Variants in NOTCH4 observed in about 807,000 individuals in gnomAD.
NOTCH4 encodes the protein notch receptor 4.
A neutral mutation model predicts 189.0 loss-of-function variants in NOTCH4; 138 were observed. That is an observed-to-expected ratio of 0.73 (90% CI 0.64 to 0.84). The LOEUF (loss-of-function observed/expected upper bound fraction) is 0.84, where lower values mean the gene tolerates loss of function less well. Ranked by LOEUF, NOTCH4 falls within the 40% of genes least tolerant of loss-of-function variation. The pLI is 0.00. For synonymous variants in NOTCH4, 942 were observed against 1,032.8 expected (o/e 0.91, Z 1.69); for missense variants, 2,286 against 2,605.4 (o/e 0.88, Z 2.67).
rs1471966986 is a variant in NOTCH4, at chr6:32,195,158, A to C, written c.*279T>G. On this transcript the variant is annotated 3_prime_UTR_variant, in exon 30 of 30. Coordinates refer to ENST00000375023, the MANE Select transcript of NOTCH4 (RefSeq NM_004557.4). The surrounding 1 kb of genome is among the most constrained non-coding windows in gnomAD (Gnocchi z 5.4). ...CATATGCCTGCAATTCTTGGTTCCA[A>C]CTTAGGGGTATTTCCACTCCACTCT... 2 of 464,416 alleles carry C rather than the reference A, an allele frequency of 4.3e-6. No individual in the cohort carries two copies. Among genetic ancestry groups the C allele is most frequent in the Non-Finnish European group, 7.6e-6 (2 of 263,800 alleles). The allele number at this position is 464,416 out of a possible 1,614,324, so 28.8% of individuals were successfully genotyped here.
At chr6:32,216,633 C>T (rs78718262) in intron 11 of NOTCH4, 3 of 492,680 alleles carry the variant, frequency 6.1e-6, no homozygotes, top group Non-Finnish European at 1.1e-5. Flanking sequence ...GATTTGCCTC[C>T]GTATCTGGCA....
intron 18 of NOTCH4, among the ~76,000 whole-genome samples, chr6:32,208,495 G>A (rs1221504948): frequency 2.0e-5 from 3 of 152,212 alleles, no homozygotes; most frequent in African/African-American, 4.8e-5. Context: ...CACTTTCAGA[G>A]GTTGAGGCGG....
Position 32,201,279 on chromosome 6 carries a change from C to A in NOTCH4, c.3977G>T (p.Gly1326Val), listed in dbSNP as rs1364940031. Residue 1326 changes from glycine to valine, a missense_variant, in exon 22 of 30, where the codon GGA becomes GTA. Around this residue, in one of 2 missense-constraint regions of NOTCH4, gnomAD observed 1,903 missense variants for 2,261.9 expected, o/e 0.84. Transcript: ENST00000375023. The surrounding 1 kb of genome is among the most constrained non-coding windows in gnomAD (Gnocchi z 5.5). ...ARVLSLTLRV[G>V]LWVRKDRDGR... ...ATCACGATCCTTCCTTACCCAGAGTCCTACCCTCAGAGTCAGGGACAGCAC... is the reference window on the plus strand; with the variant it reads ...ATCACGATCCTTCCTTACCCAGAGTACTACCCTCAGAGTCAGGGACAGCAC... 1 of 1,613,018 alleles carries A rather than the reference C, an allele frequency of 6.2e-7. No homozygotes were observed. The highest frequency in any genetic ancestry group is 8.5e-7 in the Non-Finnish European group (1 of 1,180,018).
intron 18 of NOTCH4, among the ~76,000 whole-genome samples, chr6:32,206,228 G>C (rs28893520): frequency 0.053 from 8,056 of 152,108 alleles, 313 homozygotes; most frequent in Middle Eastern, 0.16. Flanking sequence ...AATTAGGCAG[G>C]AGAAAGAAAT....
chr6:32,203,769 C>A lies in NOTCH4; in HGVS notation c.3231+1G>T. Reference sequence around the variant, plus strand: ...GAGAAGGCAGATTTGTGGTCACTTGCCTTGGGGCAGTGGCAGATGAAACCC... The same window carrying A: ...GAGAAGGCAGATTTGTGGTCACTTGACTTGGGGCAGTGGCAGATGAAACCC... On this transcript the variant is annotated splice_donor_variant, in intron 20 of 29. Coordinates refer to ENST00000375023, the MANE Select transcript of NOTCH4 (RefSeq NM_004557.4). LOFTEE classifies it high-confidence loss of function. 1 of 1,551,974 alleles carries A rather than the reference C, an allele frequency of 6.4e-7. No individual in the cohort carries two copies. The highest frequency in any genetic ancestry group is 8.7e-7 in the Non-Finnish European group (1 of 1,147,472).
chr6:32,195,353 G>A lies in NOTCH4; in HGVS notation c.*84C>T. 1 of 1,299,528 alleles carries A rather than the reference G, an allele frequency of 7.7e-7. No homozygotes were observed. The highest frequency in any genetic ancestry group is 1.1e-6 in the Non-Finnish European group (1 of 949,376). The allele number at this position is 1,299,528 out of a possible 1,614,324, so 80.5% of individuals were successfully genotyped here. On this transcript the variant is annotated 3_prime_UTR_variant, in exon 30 of 30. Transcript: ENST00000375023. This position sits in a 1 kb window ranked among gnomAD's most constrained non-coding sequence, Gnocchi z 5.4. ...AAACTCACAACCCTTCATTTTGGGGGATCCATCTTAAAACCAGGAAGGCCT... is the reference window on the plus strand; with the variant it reads ...AAACTCACAACCCTTCATTTTGGGGAATCCATCTTAAAACCAGGAAGGCCT...
intron 19 of NOTCH4, 127 bp from the exon 20 acceptor site, chr6:32,204,009 C>A: frequency 5.9e-6 from 3 of 505,470 alleles, no homozygotes; most frequent in South Asian, 1.8e-5. Flanking sequence ...CTTTTCTGGG[C>A]GGGGGTGGGC....
chr6:32,208,003 CAAAAA>C (rs9279505), intron 18 of NOTCH4, among the ~76,000 whole-genome samples: 259 of 129,848 alleles, frequency 2.0e-3, no homozygotes, highest in Middle Eastern at 7.7e-3. Context: ...GACTCCTTCT[CAAAAA>C]AAAAAAAAAA....
intron 20 of NOTCH4, chr6:32,203,510 A>C: frequency 2.0e-6 from 1 of 504,174 alleles, no homozygotes; most frequent in Non-Finnish European, 3.5e-6. Context: ...GCCACCCACC[A>C]CGCAGCTTGA....
At chr6:32,205,902 TGGC>T (rs1788647974) in intron 18 of NOTCH4, among the ~76,000 whole-genome samples, 1 of 151,980 alleles carries the variant, frequency 6.6e-6, no homozygotes, top group Non-Finnish European at 1.5e-5. Flanking sequence ...CTAGGTGTGG[TGGC>T]AGGCACCTGT....
Position 32,196,157 on chromosome 6 carries a change from A to G in NOTCH4, c.5299-7T>C, listed in dbSNP as rs920716870. The G allele has an allele frequency of 4.4e-6, 7 of 1,589,310 alleles. No homozygotes were observed. Among genetic ancestry groups the G allele is most frequent in the East Asian group, 2.2e-5 (1 of 44,652 alleles). On this transcript the variant is annotated splice_polypyrimidine_tract_variant and splice_region_variant and intron_variant, in intron 29 of 29. Transcript: ENST00000375023. ...GGAATAGCGGCGTCTGCTCCTGTAC[A>G]GAAGAGCCAGGGCCGATATCAGGGA...
At position 32,201,979 on chromosome 6, in the gene NOTCH4, A is replaced by G; in HGVS notation, c.3755+97T>C. ...TAGGGTGGAAACTCCCTGGAGCCCAAGGCTGTGGCCACACTGTAACTCAGA... is the reference window on the plus strand; with the variant it reads ...TAGGGTGGAAACTCCCTGGAGCCCAGGGCTGTGGCCACACTGTAACTCAGA... On this transcript the variant is annotated intron_variant, in intron 21 of 29. Coordinates refer to ENST00000375023, the MANE Select transcript of NOTCH4 (RefSeq NM_004557.4). This position sits in a 1 kb window ranked among gnomAD's most constrained non-coding sequence, Gnocchi z 5.5. 8.2e-7 allele frequency: 1 copy of G among 1,212,236 alleles called. No individual in the cohort carries two copies. Among genetic ancestry groups the G allele is most frequent in the African/African-American group, 1.5e-5 (1 of 65,924 alleles). The allele number at this position is 1,212,236 out of a possible 1,614,324, so 75.1% of individuals were successfully genotyped here. A position where few individuals can be genotyped will look rare whatever the true frequency, so the allele number is the denominator to read the frequency against.
Position 32,197,359 on chromosome 6 carries a change from G to A in NOTCH4, c.4992C>T (p.Asp1664=), listed in dbSNP as rs752898443. The A allele has an allele frequency of 9.8e-6, 15 of 1,534,660 alleles. No individual in the cohort carries two copies. ...LEAGANPNQP[D]RAGRTPLHAA... ...CATGAAGGGGTGTGCGCCCTGCCCGGTCTGGCTGGTTGGGGTTGGCTCCAG... is the reference window on the plus strand; with the variant it reads ...CATGAAGGGGTGTGCGCCCTGCCCGATCTGGCTGGTTGGGGTTGGCTCCAG... Residue 1664 remains aspartate (D), a synonymous_variant, in exon 27 of 30, where the codon GAC becomes GAT. Transcript: ENST00000375023.
At chr6:32,209,846 G>A (rs1385127446) in intron 18 of NOTCH4, among the ~76,000 whole-genome samples, 1 of 151,512 alleles carries the variant, frequency 6.6e-6, no homozygotes, top group African/African-American at 2.4e-5. Context: ...TTATGCCACT[G>A]CCCTTCAGCC....
rs1554147090 is a variant in NOTCH4, at chr6:32,202,369, G to GC, written c.3461dup (p.Gly1156ArgfsTer24). 1.2e-6 allele frequency: 2 copies of GC among 1,612,708 alleles called. No individual in the cohort carries two copies. Among genetic ancestry groups the GC allele is most frequent in the Non-Finnish European group, 8.5e-7 (1 of 1,179,946 alleles). On this transcript the variant is annotated frameshift_variant, in exon 21 of 30. Coordinates refer to ENST00000375023, the MANE Select transcript of NOTCH4 (RefSeq NM_004557.4). LOFTEE classifies it high-confidence loss of function. This position sits in a 1 kb window ranked among gnomAD's most constrained non-coding sequence, Gnocchi z 5.7. Reference sequence around the variant, plus strand: ...GAGGGCAGGAGCATCGAAAGCCTGGGCCCCCCAAGCCCGTGGTCTCTGAGC... The same window carrying GC: ...GAGGGCAGGAGCATCGAAAGCCTGGGCCCCCCCAAGCCCGTGGTCTCTGAGC...
chr6:32,221,415 G>T lies in NOTCH4; in HGVS notation c.452-90C>A. On this transcript the variant is annotated intron_variant, in intron 3 of 29. Transcript: ENST00000375023. This position sits in a 1 kb window ranked among gnomAD's most constrained non-coding sequence, Gnocchi z 4.3. ...CCAGTGCTCACTCTGGATTATCTCT[G>T]GGTCTCATTTTCATATTTCCTTCCC... 1.1e-6 allele frequency: 1 copy of T among 915,944 alleles called. No homozygotes were observed. Among genetic ancestry groups the T allele is most frequent in the Non-Finnish European group, 1.7e-6 (1 of 600,546 alleles). The allele number at this position is 915,944 out of a possible 1,614,324, so 56.7% of individuals were successfully genotyped here.
rs1788446927 is a variant in NOTCH4, at chr6:32,202,939, C to T, written c.3232-340G>A. On this transcript the variant is annotated intron_variant, in intron 20 of 29. Transcript: ENST00000375023. The surrounding 1 kb of genome is among the most constrained non-coding windows in gnomAD (Gnocchi z 5.7). ...ATTATTTTTGAGACAGAGTTTCGCT[C>T]TTGTTGTCCAGGCTGGAGTGCAATG... is the stretch of plus-strand genomic sequence containing the variant. 1.1e-5 allele frequency: 2 copies of T among 181,126 alleles called. No homozygotes were observed. The highest frequency in any genetic ancestry group is 4.7e-5 in the African/African-American group (2 of 42,558). The allele number at this position is 181,126 out of a possible 1,614,324, so 11.2% of individuals were successfully genotyped here. A position where few individuals can be genotyped will look rare whatever the true frequency, so the allele number is the denominator to read the frequency against.
chr6:32,212,425 C>G lies in NOTCH4; in HGVS notation c.2680+49G>C. ...CCCACAGGAACGGGGCAGGTGAGAA[C>G]ACCCATATTTTCTTCATTTGCTCTC... On this transcript the variant is annotated intron_variant, in intron 17 of 29. Coordinates refer to ENST00000375023, the MANE Select transcript of NOTCH4 (RefSeq NM_004557.4). The surrounding 1 kb of genome is among the most constrained non-coding windows in gnomAD (Gnocchi z 4.4). The G allele has an allele frequency of 6.5e-7, 1 of 1,539,358 alleles. No homozygotes were observed. Among genetic ancestry groups the G allele is most frequent in the Non-Finnish European group, 8.8e-7 (1 of 1,139,426 alleles).
rs1273963843 is a variant in NOTCH4 at position 32,212,412 on chromosome 6, G to C, written c.2680+62C>G. On this transcript the variant is annotated intron_variant, in intron 17 of 29. Coordinates refer to ENST00000375023, the MANE Select transcript of NOTCH4 (RefSeq NM_004557.4). This position sits in a 1 kb window ranked among gnomAD's most constrained non-coding sequence, Gnocchi z 4.4. ...AGCTGTGTGGAAGCCCACAGGAACG[G>C]GGCAGGTGAGAACACCCATATTTTC... 6.7e-7 allele frequency: 1 copy of C among 1,497,252 alleles called. No homozygotes were observed. Among genetic ancestry groups the C allele is most frequent in the Admixed American group, 2.1e-5 (1 of 48,486 alleles). 92.7% of individuals were successfully genotyped at this position (1,497,252 alleles called of 1,614,324 possible).
Sources: allele counts gnomAD v4.1 joint callset (sites outside exome capture counted in the v4.1 genomes callset), GRCh38; gene constraint gnomAD v4.1.1; regional missense constraint gnomAD v4.1.1; non-coding constraint Gnocchi (gnomAD v3.1); transcripts MANE v1.5; gene names NCBI Gene and HGNC (gene_info 2026-07-23, HGNC 2026-07-21).